HMGB1: variants seen among roughly 807,000 people sequenced by gnomAD.
The protein encoded by HMGB1 is high mobility group box 1.
For synonymous variants in HMGB1, 81 were observed against 84.0 expected (o/e 0.96, Z 0.19); for missense variants, 79 against 253.5 (o/e 0.31, Z 4.67).
intron 1 of HMGB1, among the ~76,000 whole-genome samples, chr13:30,502,532 T>C (rs1485535793): frequency 6.6e-6 from 1 of 152,258 alleles, no homozygotes. Context: ...ACATACTGCA[T>C]GGATGTATAG....
chr13:30,548,760 A>G (rs762897310), intron 1 of HMGB1, among the ~76,000 whole-genome samples: 18 of 152,240 alleles, frequency 1.2e-4, no homozygotes, highest in Admixed American at 2.6e-4. Context: ...ACACCTCTCC[A>G]TGGTATCAGG....
chr13:30,591,396 G>C (rs1003487926), intron 1 of HMGB1, among the ~76,000 whole-genome samples: 5 of 151,958 alleles, frequency 3.3e-5, no homozygotes, highest in African/African-American at 1.2e-4. Context: ...ATGATATCCA[G>C]TAAGTTTTGA....
At chr13:30,525,126 T>C (rs533245671) in intron 1 of HMGB1, among the ~76,000 whole-genome samples, 24 of 152,242 alleles carry the variant, frequency 1.6e-4, no homozygotes, top group African/African-American at 4.3e-4. Context: ...ACTCCATGTA[T>C]AAAATGGCAA....
At chr13:30,551,108 C>A (rs2137513017) in intron 1 of HMGB1, among the ~76,000 whole-genome samples, 1 of 152,322 alleles carries the variant, frequency 6.6e-6, no homozygotes, top group East Asian at 1.9e-4. Flanking sequence ...ATTTTACCAT[C>A]TACTATCATG....
chr13:30,514,979 T>G (rs1245051070), intron 1 of HMGB1, among the ~76,000 whole-genome samples: 2 of 152,122 alleles, frequency 1.3e-5, no homozygotes, highest in Non-Finnish European at 2.9e-5. Context: ...CATGATTAGG[T>G]TGTGTTAGAT....
chr13:30,515,905 C>G (rs757703955), intron 1 of HMGB1, among the ~76,000 whole-genome samples: 7 of 152,132 alleles, frequency 4.6e-5, no homozygotes, highest in Non-Finnish European at 7.4e-5. Flanking sequence ...ATTACCATTA[C>G]AAAGAAAGAT....
chr13:30,504,790 CAA>C (rs1887812921), intron 1 of HMGB1, among the ~76,000 whole-genome samples: 1 of 152,054 alleles, frequency 6.6e-6, no homozygotes, highest in African/African-American at 2.4e-5. Flanking sequence ...TAATACTGGC[CAA>C]AGACTGGAGT....
intron 1 of HMGB1, chr13:30,464,555 G>T (rs1374100375): frequency 2.0e-6 from 2 of 984,444 alleles, no homozygotes; most frequent in Non-Finnish European, 2.4e-6. Context: ...AGGCCGCCAC[G>T]TGCGCCCGGC....
In HMGB1 at chr13:30,502,648, A is replaced by ATTTTAT. The variant is rs141484915; in HGVS notation, c.-14-38955_-14-38954insATAAAA. 1.2e-4 allele frequency among the ~76,000 whole-genome samples: 17 copies of ATTTTAT among 146,346 alleles called. No individual in the cohort carries two copies. The East Asian group carries it at 3.2e-3, about 28-fold the overall frequency. On this transcript the variant is annotated intron_variant, in intron 1 of 4. Transcript: ENST00000405805. Reference sequence around the variant, plus strand: ...TGCAGATTTTACTTTACTTTATTTTATTTATTTTATTTTATTTTATTTTAT... The same window carrying ATTTTAT: ...TGCAGATTTTACTTTACTTTATTTTATTTTATTTTATTTTATTTTATTTTATTTTAT...
chr13:30,470,639 T>A (rs1886898401), upstream of HMGB1, among the ~76,000 whole-genome samples: 1 of 152,144 alleles, frequency 6.6e-6, no homozygotes, highest in African/African-American at 2.4e-5. Context: ...CCAATTGGCT[T>A]TTTATTGTTT....
chr13:30,611,684 T>C (rs555598958), intron 1 of HMGB1, among the ~76,000 whole-genome samples: 2 of 152,344 alleles, frequency 1.3e-5, no homozygotes, highest in African/African-American at 2.4e-5. Flanking sequence ...CAAACGTTTC[T>C]ACTTCTCTTT....
Position 30,460,640 on chromosome 13 carries a change from TTGTAAA to T in HMGB1, c.*711_*716del, listed in dbSNP as rs1481367817. On this transcript the variant is annotated 3_prime_UTR_variant, in exon 5 of 5. Coordinates refer to ENST00000341423, the MANE Select transcript of HMGB1 (RefSeq NM_002128.7). ...TTGAGTAGATTGATTACTCTTCAGT[TTGTAAA>T]TGTAAGTGGGCTATGTGAAATTTCT... 3 of 152,650 alleles carry T rather than the reference TTGTAAA, an allele frequency of 2.0e-5. No individual in the cohort carries two copies. Among genetic ancestry groups the T allele is most frequent in the Admixed American group, 1.3e-4 (2 of 15,284 alleles). The allele number at this position is 152,650 out of a possible 1,614,324, so 9.5% of individuals were successfully genotyped here.
At chr13:30,481,378 C>G (rs772411283) in intron 1 of HMGB1, among the ~76,000 whole-genome samples, 2 of 152,052 alleles carry the variant, frequency 1.3e-5, no homozygotes, top group African/African-American at 4.8e-5. Context: ...CAAAACATTC[C>G]GAAGCTACCC....
At chr13:30,582,482 C>CA (rs1400827852) in intron 1 of HMGB1, among the ~76,000 whole-genome samples, 1 of 151,766 alleles carries the variant, frequency 6.6e-6, no homozygotes, top group African/African-American at 2.4e-5. Flanking sequence ...ACTAAAAATA[C>CA]AAAAAATTAA....
intron 1 of HMGB1, chr13:30,465,165 C>G (rs901484005): frequency 2.1e-6 from 2 of 964,416 alleles, no homozygotes; most frequent in African/African-American, 3.6e-5. Context: ...TTCCAGCGAG[C>G]GCAGCGGCGC....
At chr13:30,615,046 G>A (rs1471356737) in intron 1 of HMGB1, among the ~76,000 whole-genome samples, 1 of 151,974 alleles carries the variant, frequency 6.6e-6, no homozygotes, top group African/African-American at 2.4e-5. Flanking sequence ...AGAGTCTAAT[G>A]TATAAATTAA....
At chr13:30,550,958 G>A (rs1869398988) in intron 1 of HMGB1, among the ~76,000 whole-genome samples, 1 of 152,138 alleles carries the variant, frequency 6.6e-6, no homozygotes, top group Non-Finnish European at 1.5e-5. Context: ...CACTACCCTG[G>A]CACATGTTCA....
At chr13:30,538,502 C>CTT (rs1388332954) in intron 1 of HMGB1, among the ~76,000 whole-genome samples, 6 of 122,800 alleles carry the variant, frequency 4.9e-5, no homozygotes, top group African/African-American at 2.3e-4. Context: ...TTCTTTCTTT[C>CTT]TTTCTTTCCT....
At chr13:30,461,783 A>T in intron 4 of HMGB1, 3 of 805,460 alleles carry the variant, frequency 3.7e-6, no homozygotes, top group Non-Finnish European at 5.9e-6. Context: ...TGCCTCATTG[A>T]GGTGCAATTA....
Sources: allele counts gnomAD v4.1 joint callset (sites outside exome capture counted in the v4.1 genomes callset), GRCh38; gene constraint gnomAD v4.1.1; transcripts MANE v1.5; gene names NCBI Gene and HGNC (gene_info 2026-07-23, HGNC 2026-07-21).